The following FOCAD variants were observed in gnomAD, a reference collection of about 807,000 sequenced individuals.
FOCAD encodes the protein focadhesin, also known as KIAA1797.
In FOCAD, 198 loss-of-function variants were observed where a neutral mutation model predicts 225.6. The observed-to-expected ratio is 0.88, with a 90% CI of 0.78 to 0.99. The LOEUF is 0.99. Among genes scored for constraint, FOCAD ranks in the 50% least tolerant of loss-of-function variants. The pLI is 0.00. For missense variants in FOCAD, 2,713 were observed against 2,123.6 expected, an observed-to-expected ratio of 1.28 and a Z score of -5.46; for synonymous variants, 897 against 755.0, an observed-to-expected ratio of 1.19 and a Z score of -3.08.
intron 15 of FOCAD, among the ~76,000 whole-genome samples, chr9:20,836,407 C>A (rs1825996464): frequency 6.6e-6 from 1 of 151,954 alleles, no homozygotes; most frequent in Non-Finnish European, 1.5e-5. Flanking sequence ...AGGTGGATTG[C>A]CTGTCTAACC....
upstream of FOCAD, among the ~76,000 whole-genome samples, chr9:20,657,022 C>T (rs1821505942): frequency 6.6e-6 from 1 of 152,166 alleles, no homozygotes; most frequent in Admixed American, 6.5e-5. Context: ...TATTTTGTTT[C>T]TCCTTCGCTT....
intron 15 of FOCAD, among the ~76,000 whole-genome samples, chr9:20,856,767 G>A (rs186728564): frequency 2.4e-3 from 368 of 151,976 alleles, no homozygotes; most frequent in Middle Eastern, 0.01. Context: ...TGATTTTTAT[G>A]TATGGTGAGA....
chr9:20,961,326 C>G (rs937446715), intron 35 of FOCAD, among the ~76,000 whole-genome samples: 2 of 152,166 alleles, frequency 1.3e-5, no homozygotes, highest in African/African-American at 4.8e-5. Context: ...TTAAATTTGA[C>G]CAATAAGAAC....
intron 35 of FOCAD, among the ~76,000 whole-genome samples, chr9:20,965,422 G>A (rs1839171555): frequency 6.6e-6 from 1 of 152,138 alleles, no homozygotes; most frequent in Non-Finnish European, 1.5e-5. Context: ...CGCCAAGACT[G>A]TATCTCTCTT....
chr9:20,981,367 T>C, intron 37 of FOCAD, 59 bp from the exon 38 acceptor site: 1 of 1,576,340 alleles, frequency 6.3e-7, no homozygotes, highest in Non-Finnish European at 8.6e-7. Context: ...GTACAGGTTT[T>C]GAACATTGCA....
At position 20,976,441 on chromosome 9, in the gene FOCAD, C is replaced by T. The variant is rs1475716580; in HGVS notation, c.4154C>T (p.Ser1385Phe). 5.0e-6 allele frequency: 8 copies of T among 1,613,028 alleles called. No individual in the cohort carries two copies. Among genetic ancestry groups the T allele is most frequent in the African/African-American group, 1.3e-5 (1 of 74,860 alleles). ...ATAGGTCCTGAATCTGTGCCTCCTT[C>T]CCTTCTTAAAGTAGTGATGAAACCC... ...GKKGPESVPP[S>F]LLKVVMKPIA... The change falls in exon 36 of 44, where the codon TCC (serine) becomes TTC (phenylalanine). Residue 1385 changes from serine to phenylalanine, a missense_variant. By Grantham distance (155) the Ser-to-Phe change is radical (BLOSUM62 -2). Transcript: ENST00000338382.
chr9:20,845,678 A>G (rs566625666), intron 15 of FOCAD, among the ~76,000 whole-genome samples: 26 of 152,134 alleles, frequency 1.7e-4, no homozygotes, highest in Admixed American at 1.6e-3. Context: ...TATAATTACC[A>G]TTTATAAAGA....
At chr9:20,850,901 T>A (rs955040271) in intron 15 of FOCAD, among the ~76,000 whole-genome samples, 1 of 150,036 alleles carries the variant, frequency 6.7e-6, no homozygotes, top group Admixed American at 6.7e-5. Context: ...CATGTTTATG[T>A]ATCAGTCTCT....
At chr9:20,876,110 T>C (rs2131804622) in intron 19 of FOCAD, among the ~76,000 whole-genome samples, 1 of 152,268 alleles carries the variant, frequency 6.6e-6, no homozygotes, top group East Asian at 1.9e-4. Flanking sequence ...CCCTGCCTCC[T>C]TTTATTAGAG....
At chr9:20,734,465 T>C (rs1826969569) in intron 4 of FOCAD, among the ~76,000 whole-genome samples, 1 of 152,222 alleles carries the variant, frequency 6.6e-6, no homozygotes, top group South Asian at 2.1e-4. Flanking sequence ...TAAACTTGCA[T>C]TTTTCCACAT....
At chr9:20,701,714 C>T (rs1349397742) in intron 1 of FOCAD, among the ~76,000 whole-genome samples, 1 of 152,134 alleles carries the variant, frequency 6.6e-6, no homozygotes, top group Non-Finnish European at 1.5e-5. Context: ...GATGGTGCCA[C>T]AAGGATGAAA....
At position 20,813,153 on chromosome 9, in the gene FOCAD, T is replaced by G. The variant is rs145440809; in HGVS notation, c.1456-6643T>G. Among the ~76,000 whole-genome samples the G allele has an allele frequency of 6.5e-3, 994 of 152,282 alleles. 12 individuals carry two copies. Among genetic ancestry groups the G allele is most frequent in the African/African-American group, 0.023 (937 of 41,566 alleles). Reference sequence around the variant, plus strand: ...CCGTGGCTTATTTCACTTAGCATTGTGTCCTCAAGGTTCATCTAAGTTGTA... The same window carrying G: ...CCGTGGCTTATTTCACTTAGCATTGGGTCCTCAAGGTTCATCTAAGTTGTA... On this transcript the variant is annotated intron_variant, in intron 11 of 43. Transcript: ENST00000338382.
intron 4 of FOCAD, 134 bp downstream of exon 4, chr9:20,720,668 T>A (rs1825706250): frequency 4.9e-6 from 4 of 823,854 alleles, no homozygotes; most frequent in African/African-American, 3.4e-5. Context: ...CATGAGTTGC[T>A]GTTTCATATA....
Position 20,862,696 on chromosome 9 carries a change from A to G in FOCAD, c.2039A>G (p.Asn680Ser), listed in dbSNP as rs753361255. 1.5e-5 allele frequency: 24 copies of G among 1,612,306 alleles called. 1 individual carries two copies. The highest frequency in any genetic ancestry group is 1.7e-5 in the Admixed American group (1 of 59,856). Residue 680 changes from asparagine (N) to serine (S), a missense_variant, in exon 16 of 44, where the codon AAT becomes AGT. Asn to Ser is a conservative substitution (Grantham distance 46). Transcript: ENST00000338382. The stretch of plus-strand genomic sequence containing the variant: ...TCTCTAGTTCCTTCCTTAACGGTCA[A>G]TACAACTGAATATGAGGTATGCATT... ...LFSLVPSLTV[N>S]TTEYENFKVQ...
In FOCAD at chr9:20,956,848, A is replaced by G. The variant is rs370609145; in HGVS notation, c.4132+3783A>G. ...TCTGGGATTACAGCCATGCACCACCACGCCTGGCTAATTTTTTGTATTTTT... is the reference window on the plus strand; with the variant it reads ...TCTGGGATTACAGCCATGCACCACCGCGCCTGGCTAATTTTTTGTATTTTT... On this transcript the variant is annotated intron_variant, in intron 35 of 43. Coordinates refer to ENST00000338382, the MANE Select transcript of FOCAD (RefSeq NM_001375567.1). Among the ~76,000 whole-genome samples, 34 of 152,026 alleles carry G rather than the reference A, an allele frequency of 2.2e-4. 1 individual carries two copies. The highest frequency in any genetic ancestry group is 1.7e-3 in the South Asian group (8 of 4,810).
At chr9:20,921,815 A>C (rs1278620879) in intron 24 of FOCAD, among the ~76,000 whole-genome samples, 1 of 152,174 alleles carries the variant, frequency 6.6e-6, no homozygotes, top group African/African-American at 2.4e-5. Context: ...CTGTTTTAAA[A>C]CCGAGGCTAA....
intron 6 of FOCAD, among the ~76,000 whole-genome samples, chr9:20,758,730 G>A (rs982595438): frequency 1.3e-5 from 2 of 152,090 alleles, no homozygotes; most frequent in Non-Finnish European, 2.9e-5. Context: ...ATTCCATGGT[G>A]TATATGTGCC....
intron 35 of FOCAD, among the ~76,000 whole-genome samples, chr9:20,965,165 A>T (rs1344899232): frequency 6.6e-6 from 1 of 152,186 alleles, no homozygotes; most frequent in African/African-American, 2.4e-5. Flanking sequence ...ATGGAAAGAA[A>T]GACTGAGAAA....
At chr9:20,689,436 C>T (rs1167714229) in intron 1 of FOCAD, among the ~76,000 whole-genome samples, 1 of 144,830 alleles carries the variant, frequency 6.9e-6, no homozygotes, top group Non-Finnish European at 1.5e-5. Context: ...ATGTTATGCC[C>T]TCAAAAGTAC....
Sources: allele counts gnomAD v4.1 joint callset (sites outside exome capture counted in the v4.1 genomes callset), GRCh38; gene constraint gnomAD v4.1.1; transcripts MANE v1.5; gene names NCBI Gene and HGNC (gene_info 2026-07-23, HGNC 2026-07-21).